Variants in DOCK5 observed in about 807,000 individuals in gnomAD.
DOCK5 encodes the protein dedicator of cytokinesis protein 5.
A neutral mutation model predicts 251.8 loss-of-function variants in DOCK5; 142 were observed. That is an observed-to-expected ratio of 0.56 (90% CI 0.49 to 0.65). The LOEUF (loss-of-function observed/expected upper bound fraction) is 0.65. Ranked by LOEUF, DOCK5 falls within the 30% of genes least tolerant of loss-of-function variation. The probability of loss-of-function intolerance (pLI) is 0.00; values close to 1 mark genes in which losing one functional copy is unlikely to be tolerated. For missense variants in DOCK5, 2,111 were observed against 2,312.3 expected, an observed-to-expected ratio of 0.91 and a Z score of 1.79; for synonymous variants, 842 against 835.5, an observed-to-expected ratio of 1.01 and a Z score of -0.13.
At chr8:25,245,352 G>A (rs1182659640) in intron 2 of DOCK5, among the ~76,000 whole-genome samples, 2 of 152,068 alleles carry the variant, frequency 1.3e-5, no homozygotes, top group African/African-American at 2.4e-5. Flanking sequence ...CACTGCGCCC[G>A]GCCTACAGCT....
At chr8:25,261,102 A>C (rs1251200682) in intron 2 of DOCK5, among the ~76,000 whole-genome samples, 6 of 152,160 alleles carry the variant, frequency 3.9e-5, no homozygotes, top group African/African-American at 1.4e-4. Context: ...CATGTTTTCT[A>C]AAGTAGCTCC....
intron 1 of DOCK5, among the ~76,000 whole-genome samples, chr8:25,217,667 A>G (rs2117491266): frequency 6.6e-6 from 1 of 152,294 alleles, no homozygotes; most frequent in East Asian, 1.9e-4. Context: ...GGAAAATATT[A>G]TTGCCCAGAC....
At chr8:25,248,056 ACACTTGAGC>A (rs1803164348) in intron 2 of DOCK5, among the ~76,000 whole-genome samples, 1 of 152,196 alleles carries the variant, frequency 6.6e-6, no homozygotes, top group African/African-American at 2.4e-5. Context: ...GAGGTTGAGA[ACACTTGAGC>A]CTGCACCGTG....
At chr8:25,337,027 A>T (rs1272640546) in intron 22 of DOCK5, among the ~76,000 whole-genome samples, 1 of 152,238 alleles carries the variant, frequency 6.6e-6, no homozygotes, top group African/African-American at 2.4e-5. Context: ...AAAAAATAAA[A>T]TTAAAGGCAA....
chr8:25,298,904 CCAAAAT>C, intron 7 of DOCK5, 34 bp from the exon 8 acceptor site: 1 of 1,553,200 alleles, frequency 6.4e-7, no homozygotes, highest in Non-Finnish European at 8.7e-7. Context: ...TTCCCATTTG[CCAAAAT>C]CAAGATGTTT....
rs114103662 is a variant in DOCK5 at position 25,397,424 on chromosome 8, T to G, written c.4704+1705T>G. ...TCTTCATGGGTGGTGACATCTATGC[T>G]CTGTGGCTGCCACTATGATCGTCTT... On this transcript the variant is annotated intron_variant, in intron 45 of 51. Transcript: ENST00000276440. Among the ~76,000 whole-genome samples the G allele has an allele frequency of 4.1e-3, 630 of 152,320 alleles. 4 individuals are homozygous for G. The highest frequency in any genetic ancestry group is 0.015 in the African/African-American group (617 of 41,568).
chr8:25,282,991 G>A (rs1349075175), intron 5 of DOCK5, among the ~76,000 whole-genome samples: 2 of 151,736 alleles, frequency 1.3e-5, no homozygotes, highest in African/African-American at 4.8e-5. Context: ...AGTCTCATAT[G>A]AGGGGAAAAT....
chr8:25,208,771 T>G (rs1802062229), intron 1 of DOCK5, among the ~76,000 whole-genome samples: 1 of 152,192 alleles, frequency 6.6e-6, no homozygotes. Context: ...CCACAGTATC[T>G]CCTAGGTATG....
intron 6 of DOCK5, among the ~76,000 whole-genome samples, chr8:25,293,230 T>C (rs1278654373): frequency 6.6e-6 from 1 of 152,184 alleles, no homozygotes; most frequent in African/African-American, 2.4e-5. Context: ...ATTTTTTTCC[T>C]CCTCCTCTAC....
chr8:25,341,881 C>T, intron 24 of DOCK5, 72 bp downstream of exon 24: 1 of 1,188,766 alleles, frequency 8.4e-7, no homozygotes, highest in Non-Finnish European at 1.2e-6. Context: ...GGAGCCTGGG[C>T]TGCTACACCT....
chr8:25,255,592 G>T lies in DOCK5; in HGVS notation c.127+11835G>T, dbSNP rs188501076. On this transcript the variant is annotated intron_variant, in intron 2 of 51. Transcript: ENST00000276440. ...CAGTAAATCTACTCTGTATGATACT[G>T]TAATGGTGGAATCATGTCATTATAC... 6.4e-4 allele frequency among the ~76,000 whole-genome samples: 98 copies of T among 152,278 alleles called. 1 individual carries two copies. Among genetic ancestry groups the T allele is most frequent in the Admixed American group, 1.3e-3 (20 of 15,286 alleles).
At chr8:25,260,218 T>G (rs1803538756) in intron 2 of DOCK5, among the ~76,000 whole-genome samples, 1 of 152,144 alleles carries the variant, frequency 6.6e-6, no homozygotes, top group South Asian at 2.1e-4. Context: ...CCTGACGAGC[T>G]TACCTGGCCC....
intron 48 of DOCK5, among the ~76,000 whole-genome samples, chr8:25,405,461 A>G (rs1376659212): frequency 6.6e-6 from 1 of 152,106 alleles, no homozygotes; most frequent in East Asian, 1.9e-4. Flanking sequence ...CTTATAAAAA[A>G]TCAAATTTCC....
chr8:25,284,642 C>T (rs570274244), intron 5 of DOCK5, among the ~76,000 whole-genome samples: 3 of 152,376 alleles, frequency 2.0e-5, no homozygotes, highest in African/African-American at 7.2e-5. Flanking sequence ...TGCTTCCACA[C>T]GGCTGAGGTG....
intron 6 of DOCK5, 134 bp downstream of exon 6, chr8:25,292,306 T>A: frequency 9.3e-7 from 1 of 1,078,924 alleles, no homozygotes; most frequent in East Asian, 2.7e-5. Context: ...CATTTTGTCT[T>A]TGAAGACATT....
chr8:25,320,097 C>G (rs1435050466), intron 15 of DOCK5, among the ~76,000 whole-genome samples: 5 of 152,148 alleles, frequency 3.3e-5, no homozygotes, highest in Admixed American at 6.5e-5. Context: ...CACAAGGGCT[C>G]TGCAACTAGA....
chr8:25,340,015 G>C (rs1418012942), intron 22 of DOCK5, among the ~76,000 whole-genome samples: 2 of 152,148 alleles, frequency 1.3e-5, no homozygotes, highest in African/African-American at 4.8e-5. Flanking sequence ...TTGCTGTTGG[G>C]TTTGATGGGG....
At position 25,336,516 on chromosome 8, in the gene DOCK5, G is replaced by A; in HGVS notation, c.2327+143G>A. The A allele has an allele frequency of 6.9e-6, 8 of 1,165,282 alleles. No homozygotes were observed. The South Asian group carries it at 1.4e-4, about 20-fold the overall frequency. 72.2% of individuals were successfully genotyped at this position (1,165,282 alleles called of 1,614,324 possible). On this transcript the variant is annotated intron_variant, in intron 22 of 51. Coordinates refer to ENST00000276440, the MANE Select transcript of DOCK5 (RefSeq NM_024940.8). ...TTTCAGAACTGCAGGGCTGAAGATG[G>A]ATTTGGGCTGCGTGTCTGTTGGAGA... is the stretch of plus-strand genomic sequence containing the variant.
intron 4 of DOCK5, chr8:25,276,855 C>G (rs1004513086): frequency 6.6e-6 from 1 of 152,154 alleles, no homozygotes; most frequent in Non-Finnish European, 1.5e-5. Flanking sequence ...TGGACCCATA[C>G]AACAGCAGAA....
Sources: allele counts gnomAD v4.1 joint callset (sites outside exome capture counted in the v4.1 genomes callset), GRCh38; gene constraint gnomAD v4.1.1; transcripts MANE v1.5; gene names NCBI Gene and HGNC (gene_info 2026-07-23, HGNC 2026-07-21).